Variants in ZDHHC13 observed in about 807,000 individuals in gnomAD.
ZDHHC13 encodes the protein palmitoyltransferase ZDHHC13.
A neutral mutation model predicts 86.0 loss-of-function variants in ZDHHC13; 85 were observed. That is an observed-to-expected ratio of 0.99 (90% confidence interval 0.83 to 1.18). The LOEUF is 1.18. ZDHHC13 is among the 50% of genes most tolerant of loss of function. ZDHHC13 has a pLI of 0.00. For synonymous variants in ZDHHC13, 263 were observed against 246.4 expected (o/e 1.07, Z -0.63); for missense variants, 711 against 730.2 (o/e 0.97, Z 0.30).
intron 10 of ZDHHC13, among the ~76,000 whole-genome samples, chr11:19,159,710 G>T (rs1374083224): frequency 6.6e-6 from 1 of 151,940 alleles, no homozygotes; most frequent in Non-Finnish European, 1.5e-5. Flanking sequence ...CAAGGAATAG[G>T]TTTATTACTT....
intron 14 of ZDHHC13, chr11:19,169,714 G>T (rs576024033): frequency 1.0e-6 from 1 of 985,414 alleles, no homozygotes; most frequent in African/African-American, 1.7e-5. Flanking sequence ...TCTCCTTACT[G>T]CTGCTCCTAG....
At position 19,143,784 on chromosome 11, in the gene ZDHHC13, C is replaced by T. The variant is rs898124353; in HGVS notation, c.173+661C>T. On this transcript the variant is annotated intron_variant, in intron 2 of 16. Transcript: ENST00000446113. ...CAATTATTTCCAACATTTTCACCTTCATGGATCTTGTTGATTATTAACATC... is the reference window on the plus strand; with the variant it reads ...CAATTATTTCCAACATTTTCACCTTTATGGATCTTGTTGATTATTAACATC... 5.3e-5 allele frequency among the ~76,000 whole-genome samples: 8 copies of T among 152,324 alleles called. No homozygotes were observed. The South Asian group carries it at 1.7e-3, about 32-fold the overall frequency.
chr11:19,175,220 C>T (rs1850326574), intron 16 of ZDHHC13, among the ~76,000 whole-genome samples: 1 of 151,268 alleles, frequency 6.6e-6, no homozygotes, highest in Non-Finnish European at 1.5e-5. Context: ...AACCCCGTCT[C>T]TACTAAAAAA....
intron 9 of ZDHHC13, among the ~76,000 whole-genome samples, chr11:19,157,485 G>C (rs1451120648): frequency 6.6e-6 from 1 of 152,176 alleles, no homozygotes; most frequent in Non-Finnish European, 1.5e-5. Flanking sequence ...AGGACAATTG[G>C]CTGGAAATGA....
intron 4 of ZDHHC13, 112 bp from the exon 5 acceptor site, chr11:19,149,075 A>C (rs1849542289): frequency 9.9e-7 from 1 of 1,005,656 alleles, no homozygotes. Flanking sequence ...TACTGTTAGG[A>C]AATATTTTTT....
At chr11:19,161,043 AG>A (rs1669050442) in intron 10 of ZDHHC13, among the ~76,000 whole-genome samples, 1 of 151,950 alleles carries the variant, frequency 6.6e-6, no homozygotes, top group South Asian at 2.1e-4. Context: ...ATAAGTCAGT[AG>A]GTGGCATACT....
chr11:19,170,566 C>T lies in ZDHHC13; in HGVS notation c.1630C>T (p.Gln544Ter). 5 of 1,521,676 alleles carry T rather than the reference C, an allele frequency of 3.3e-6. No individual in the cohort carries two copies. The South Asian group carries it at 5.2e-5, about 16-fold the overall frequency. The allele number at this position is 1,521,676 out of a possible 1,614,324, so 94.3% of individuals were successfully genotyped here. A position where few individuals can be genotyped will look rare whatever the true frequency, so the allele number is the denominator to read the frequency against. ...ATTTTTATTATTAAATCAACTCTTT[C>T]AGGTATTTATTTCTCTTCTTATAAT... ...STFLLLNQLFQIAFLGLTSHE... is the reference protein window; with the variant it reads ...STFLLLNQLF The change falls in exon 15 of 17, where the codon CAG becomes TAG. Residue 544 changes from glutamine to a stop codon, truncating the protein, a stop_gained and splice_region_variant. Coordinates refer to ENST00000446113, the MANE Select transcript of ZDHHC13 (RefSeq NM_019028.3). LOFTEE classifies it high-confidence loss of function.
chr11:19,165,469 A>G (rs11025040), intron 13 of ZDHHC13, among the ~76,000 whole-genome samples: 35 of 152,256 alleles, frequency 2.3e-4, no homozygotes, highest in African/African-American at 7.7e-4. Context: ...CCTGATTCCA[A>G]TGGGTGTTGT....
chr11:19,137,988 C>G (rs1193320560), intron 1 of ZDHHC13, among the ~76,000 whole-genome samples: 2 of 150,122 alleles, frequency 1.3e-5, no homozygotes, highest in Non-Finnish European at 3.0e-5. Flanking sequence ...ACCCTAACAT[C>G]ACAATTAAAA....
At position 19,163,428 on chromosome 11, in the gene ZDHHC13, G is replaced by A. The variant is rs756156536; in HGVS notation, c.1233+1G>A. ...GGCTTCTGAAGAAGAAAAGAAAGTGGTGAGATTTCTTCGTTACTGATATTT... is the reference window on the plus strand; with the variant it reads ...GGCTTCTGAAGAAGAAAAGAAAGTGATGAGATTTCTTCGTTACTGATATTT... On this transcript the variant is annotated splice_donor_variant, in intron 11 of 16. Transcript: ENST00000446113. LOFTEE classifies it high-confidence loss of function. 2 of 1,581,938 alleles carry A rather than the reference G, an allele frequency of 1.3e-6. No homozygotes were observed. The highest frequency in any genetic ancestry group is 1.7e-6 in the Non-Finnish European group (2 of 1,169,640).
chr11:19,143,178 T>C (rs540014575), intron 2 of ZDHHC13, 55 bp downstream of exon 2: 6 of 1,542,920 alleles, frequency 3.9e-6, no homozygotes, highest in Non-Finnish European at 5.3e-6. Flanking sequence ...TTAATAGTAA[T>C]ATATGTGTAG....
chr11:19,121,158 A>G (rs1456103121), intron 1 of ZDHHC13, among the ~76,000 whole-genome samples: 1 of 152,210 alleles, frequency 6.6e-6, no homozygotes, highest in Non-Finnish European at 1.5e-5. Context: ...CGCAAAAATA[A>G]TAACTTACTT....
At chr11:19,153,895 T>A (rs1409338118) in intron 8 of ZDHHC13, among the ~76,000 whole-genome samples, 1 of 151,942 alleles carries the variant, frequency 6.6e-6, no homozygotes, top group Non-Finnish European at 1.5e-5. Context: ...TGCAGTCCAT[T>A]AGAAAGACGG....
At chr11:19,137,166 A>G (rs1338768872) in intron 1 of ZDHHC13, among the ~76,000 whole-genome samples, 1 of 152,168 alleles carries the variant, frequency 6.6e-6, no homozygotes, top group Non-Finnish European at 1.5e-5. Flanking sequence ...TGTATTCAGG[A>G]AACCCATCTC....
At chr11:19,125,393 CG>C (rs1848851782) in intron 1 of ZDHHC13, among the ~76,000 whole-genome samples, 2 of 152,112 alleles carry the variant, frequency 1.3e-5, no homozygotes, top group South Asian at 4.1e-4. Flanking sequence ...CTTCATTAGC[CG>C]TTAAGGATAT....
chr11:19,144,493 A>G (rs556092075), intron 2 of ZDHHC13, among the ~76,000 whole-genome samples: 46 of 106,066 alleles, frequency 4.3e-4, no homozygotes, highest in African/African-American at 1.1e-3. Flanking sequence ...ACCTGAATGT[A>G]TATTCTTATT....
intron 10 of ZDHHC13, among the ~76,000 whole-genome samples, chr11:19,160,632 CA>C (rs1467961259): frequency 6.6e-6 from 1 of 151,802 alleles, no homozygotes; most frequent in African/African-American, 2.4e-5. Flanking sequence ...AGATTTTGCA[CA>C]AATATTGAAT....
chr11:19,117,539 G>T lies in ZDHHC13; in HGVS notation c.27+263G>T, dbSNP rs965647435. Among the ~76,000 whole-genome samples, 26 of 152,206 alleles carry T rather than the reference G, an allele frequency of 1.7e-4. No homozygotes were observed. Among genetic ancestry groups the T allele is most frequent in the African/African-American group, 6.0e-4 (25 of 41,552 alleles). ...CATCCCTGGCCAGGGCGCCCCCTGG[G>T]GCCGGTACCCGGAGCCCGGCGGGGA... On this transcript the variant is annotated intron_variant, in intron 1 of 16. Transcript: ENST00000446113. The surrounding 1 kb of genome is among the most constrained non-coding windows in gnomAD (Gnocchi z 4.2).
At chr11:19,141,794 T>G (rs1849327460) in intron 1 of ZDHHC13, among the ~76,000 whole-genome samples, 1 of 152,022 alleles carries the variant, frequency 6.6e-6, no homozygotes, top group Admixed American at 6.6e-5. Flanking sequence ...GATAATTGTT[T>G]AAAGAAAAAT....
Sources: gnomAD v4.1 joint callset for allele counts (sites outside exome capture counted in the v4.1 genomes callset) on GRCh38, gnomAD v4.1.1 for gene constraint, Gnocchi (gnomAD v3.1) non-coding constraint, MANE v1.5 for transcripts, NCBI Gene and HGNC (gene_info 2026-07-23, HGNC 2026-07-21) for gene names.